FRS2: variants seen among roughly 807,000 people sequenced by gnomAD.
FRS2 encodes the protein FGFR signalling adaptor.
In FRS2, 8 loss-of-function variants were observed where a neutral mutation model predicts 43.9. That is an observed-to-expected ratio of 0.18 (90% CI 0.11 to 0.33). The LOEUF (loss-of-function observed/expected upper bound fraction) is 0.33. Ranked by LOEUF, FRS2 falls within the 10% of genes least tolerant of loss-of-function variation. The probability of loss-of-function intolerance (pLI) is 1.00; values close to 1 mark genes in which losing one functional copy is unlikely to be tolerated. For missense variants in FRS2, 534 were observed against 627.6 expected (o/e 0.85, Z 1.59); for synonymous variants, 219 against 220.3 (o/e 0.99, Z 0.05).
At chr12:69,499,903 G>A (rs911396852) in intron 1 of FRS2, among the ~76,000 whole-genome samples, 8 of 152,106 alleles carry the variant, frequency 5.3e-5, no homozygotes, top group East Asian at 1.9e-4. Context: ...CATCAAATAA[G>A]CCAGAAAATG....
At chr12:69,569,689 A>G (rs1880586992) in intron 5 of FRS2, among the ~76,000 whole-genome samples, 1 of 152,178 alleles carries the variant, frequency 6.6e-6, no homozygotes, top group Non-Finnish European at 1.5e-5. Context: ...CTGAGTCTTA[A>G]TTCCATTTTT....
chr12:69,473,024 A>G (rs1359705850), intron 1 of FRS2, among the ~76,000 whole-genome samples: 5 of 152,228 alleles, frequency 3.3e-5, no homozygotes, highest in Admixed American at 6.5e-5. Flanking sequence ...GTTTGAGGTA[A>G]AGTTTGGAGT....
At chr12:69,532,957 G>A (rs183940383) in intron 3 of FRS2, among the ~76,000 whole-genome samples, 2 of 152,260 alleles carry the variant, frequency 1.3e-5, no homozygotes, top group East Asian at 3.9e-4. Flanking sequence ...GTATGGCATA[G>A]TAATTTTCTT....
At chr12:69,555,008 C>T (rs1236784206) in intron 3 of FRS2, among the ~76,000 whole-genome samples, 6 of 151,690 alleles carry the variant, frequency 4.0e-5, no homozygotes, top group Non-Finnish European at 8.8e-5. Context: ...GTGCTCAGCC[C>T]AGCTTTATTT....
intron 1 of FRS2, among the ~76,000 whole-genome samples, chr12:69,489,019 T>G (rs530085839): frequency 6.6e-6 from 1 of 152,196 alleles, no homozygotes; most frequent in Non-Finnish European, 1.5e-5. Flanking sequence ...GTTAAAAGAG[T>G]TTCTACTGAA....
rs1453174527 is a variant in FRS2 at position 69,574,422 on chromosome 12, G to T, written c.994G>T (p.Asp332Tyr). 5 of 1,614,088 alleles carry T rather than the reference G, an allele frequency of 3.1e-6. No homozygotes were observed. The highest frequency in any genetic ancestry group is 4.2e-6 in the Non-Finnish European group (5 of 1,179,962). ...RGRLTSTSTS[D>Y]TQNINNSAQR... ...TCGTCTGACATCCACCAGTACCTCA[G>T]ATACCCAGAATATCAACAACTCAGC... Residue 332 changes from aspartate to tyrosine, a missense_variant, in exon 9 of 9, where the codon GAT (aspartate) becomes TAT (tyrosine). Physicochemically the swap from Asp to Tyr is radical, Grantham distance 160. Around this residue, in one of 3 missense-constraint regions of FRS2, gnomAD observed 446 missense variants for 494.2 expected, o/e 0.90. Coordinates refer to ENST00000549921, the MANE Select transcript of FRS2 (RefSeq NM_001278356.2).
intron 1 of FRS2, among the ~76,000 whole-genome samples, chr12:69,476,897 A>G (rs920791614): frequency 1.3e-5 from 2 of 152,232 alleles, no homozygotes; most frequent in Non-Finnish European, 2.9e-5. Context: ...TTTAAATTCT[A>G]TTAGAATGTC....
intron 3 of FRS2, among the ~76,000 whole-genome samples, chr12:69,560,364 A>G (rs1021691987): frequency 7.9e-5 from 12 of 152,228 alleles, no homozygotes; most frequent in Non-Finnish European, 1.6e-4. Context: ...ATGTAGGCAC[A>G]GAAAGGTTGA....
chr12:69,492,047 A>T (rs1168746081), intron 1 of FRS2, among the ~76,000 whole-genome samples: 1 of 152,140 alleles, frequency 6.6e-6, no homozygotes, highest in African/African-American at 2.4e-5. Context: ...TATTTTCTCT[A>T]TTTTTATTAA....
In FRS2 at chr12:69,550,473, T is replaced by C. The variant is rs1392027528; in HGVS notation, c.-121-11707T>C. On this transcript the variant is annotated intron_variant, in intron 3 of 8. Transcript: ENST00000549921. ...GAAGTTAAGTAAGAACTCAGATCTCTCTAGTGTCTTACATATTTTAACTAA... is the reference window on the plus strand; with the variant it reads ...GAAGTTAAGTAAGAACTCAGATCTCCCTAGTGTCTTACATATTTTAACTAA... Among the ~76,000 whole-genome samples, 5 of 152,342 alleles carry C rather than the reference T, an allele frequency of 3.3e-5. No individual in the cohort carries two copies. In the South Asian group the frequency reaches 1.0e-3, roughly 32 times the overall value.
chr12:69,565,493 C>G (rs1216577464), intron 4 of FRS2, among the ~76,000 whole-genome samples: 1 of 152,038 alleles, frequency 6.6e-6, no homozygotes, highest in African/African-American at 2.4e-5. Context: ...CTTTTTGACT[C>G]TCTTATAATA....
intron 3 of FRS2, among the ~76,000 whole-genome samples, chr12:69,539,419 A>G (rs72648191): frequency 0.083 from 12,704 of 152,174 alleles, 1,083 homozygotes; most frequent in East Asian, 0.38. Context: ...GCATATACAT[A>G]ATGAGATATC....
chr12:69,480,511 G>T (rs1306508220), intron 1 of FRS2, among the ~76,000 whole-genome samples: 1 of 152,218 alleles, frequency 6.6e-6, no homozygotes, highest in Non-Finnish European at 1.5e-5. Context: ...CTGGAGTGCA[G>T]TGACTCTTCA....
At chr12:69,471,172 A>G (rs1870248687) in intron 1 of FRS2, among the ~76,000 whole-genome samples, 1 of 152,106 alleles carries the variant, frequency 6.6e-6, no homozygotes, top group Admixed American at 6.5e-5. Flanking sequence ...AAGCTTGCTG[A>G]AGCTGTTGTT....
chr12:69,499,423 G>A (rs1363648857), intron 1 of FRS2, among the ~76,000 whole-genome samples: 8 of 152,044 alleles, frequency 5.3e-5, no homozygotes, highest in Non-Finnish European at 8.8e-5. Context: ...AAAATATGGA[G>A]CAGATGGAAC....
At chr12:69,483,102 G>A (rs558849926) in intron 1 of FRS2, among the ~76,000 whole-genome samples, 22 of 152,244 alleles carry the variant, frequency 1.4e-4, no homozygotes, top group African/African-American at 5.1e-4. Flanking sequence ...TTTTCCCAAC[G>A]AAAACATCTT....
At chr12:69,545,299 G>A (rs1042325452) in intron 3 of FRS2, among the ~76,000 whole-genome samples, 1 of 152,138 alleles carries the variant, frequency 6.6e-6, no homozygotes, top group Non-Finnish European at 1.5e-5. Flanking sequence ...AATTCATATG[G>A]AATATCAAGG....
chr12:69,543,932 T>G (rs1878137798), intron 3 of FRS2, among the ~76,000 whole-genome samples: 1 of 152,060 alleles, frequency 6.6e-6, no homozygotes, highest in Non-Finnish European at 1.5e-5. Flanking sequence ...TGAAAAATCC[T>G]TAATTTTTAT....
intron 1 of FRS2, among the ~76,000 whole-genome samples, chr12:69,495,682 GT>G (rs1194977366): frequency 1.3e-5 from 2 of 152,182 alleles, no homozygotes; most frequent in Non-Finnish European, 2.9e-5. Context: ...GAGGCCAGGA[GT>G]TTAAGACTGG....
Sources: gnomAD v4.1 joint callset for allele counts (sites outside exome capture counted in the v4.1 genomes callset) on GRCh38, gnomAD v4.1.1 for gene constraint, gnomAD v4.1.1 regional missense constraint, MANE v1.5 for transcripts, NCBI Gene and HGNC (gene_info 2026-07-23, HGNC 2026-07-21) for gene names.